The following BRIP1 variants were observed in gnomAD, a reference collection of about 807,000 sequenced individuals.
BRIP1 encodes the protein Fanconi anemia group J protein.
A neutral mutation model predicts 119.7 loss-of-function variants in BRIP1; 88 were observed. The observed-to-expected ratio is 0.74, with a 90% confidence interval of 0.62 to 0.88. The LOEUF (loss-of-function observed/expected upper bound fraction) is 0.88, where lower values mean the gene tolerates loss of function less well. BRIP1 is among the 40% of genes least tolerant of loss of function. BRIP1 has a pLI of 0.00. For missense variants in BRIP1, 1,259 were observed against 1,455.4 expected (o/e 0.87, Z 2.20); for synonymous variants, 443 against 496.5 (o/e 0.89, Z 1.43).
chr17:61,833,370 A>C (rs1319185173), intron 6 of BRIP1, among the ~76,000 whole-genome samples: 1 of 152,164 alleles, frequency 6.6e-6, no homozygotes, highest in Non-Finnish European at 1.5e-5. Flanking sequence ...CCAAGCTCTC[A>C]AAAAATTATA....
chr17:61,825,669 A>C lies in BRIP1; in HGVS notation c.628-16912T>G, dbSNP rs2078396366. ...AATAAATAAATAAATAAATAAATAAAATAACTGGGAATACAACTAACCAGG... is the reference window on the plus strand; with the variant it reads ...AATAAATAAATAAATAAATAAATAACATAACTGGGAATACAACTAACCAGG... On this transcript the variant is annotated intron_variant, in intron 6 of 19. Transcript: ENST00000259008. This position sits in a 1 kb window ranked among gnomAD's most constrained non-coding sequence, Gnocchi z 4.1. Among the ~76,000 whole-genome samples, 1 of 150,482 alleles carries C rather than the reference A, an allele frequency of 6.6e-6. No homozygotes were observed. The highest frequency in any genetic ancestry group is 2.4e-5 in the African/African-American group (1 of 41,168).
Position 61,746,632 on chromosome 17 carries a change from G to C in BRIP1, c.2098-2041C>G, listed in dbSNP as rs913821511. Among the ~76,000 whole-genome samples the C allele has an allele frequency of 6.6e-6, 1 of 151,792 alleles. No homozygotes were observed. The highest frequency in any genetic ancestry group is 2.4e-5 in the African/African-American group (1 of 41,332). On this transcript the variant is annotated intron_variant, in intron 14 of 19. Transcript: ENST00000259008. This position sits in a 1 kb window ranked among gnomAD's most constrained non-coding sequence, Gnocchi z 4.9. ...TAATGATAAATGGGTCAATTCACTGGGAATATTTAACAACTATAAATATAC... is the reference window on the plus strand; with the variant it reads ...TAATGATAAATGGGTCAATTCACTGCGAATATTTAACAACTATAAATATAC...
In BRIP1 at chr17:61,683,078, C is replaced by T. The variant is rs886544466; in HGVS notation, c.*218G>A. ...ACCTGGAGGTGAAGGTTGCAGTGAG[C>T]CCAGAGCACACCACTGCATTCCAGC... On this transcript the variant is annotated 3_prime_UTR_variant, in exon 20 of 20. Coordinates refer to ENST00000259008, the MANE Select transcript of BRIP1 (RefSeq NM_032043.3). This position sits in a 1 kb window ranked among gnomAD's most constrained non-coding sequence, Gnocchi z 4.7. 5.7e-6 allele frequency: 3 copies of T among 529,990 alleles called. No individual in the cohort carries two copies. The highest frequency in any genetic ancestry group is 2.2e-5 in the South Asian group (1 of 46,260). The allele number at this position is 529,990 out of a possible 1,614,324, so 32.8% of individuals were successfully genotyped here.
rs1443962224 is a variant in BRIP1, at chr17:61,691,462, C to A, written c.2575+1968G>T. On this transcript the variant is annotated intron_variant, in intron 18 of 19. Coordinates refer to ENST00000259008, the MANE Select transcript of BRIP1 (RefSeq NM_032043.3). The surrounding 1 kb of genome is among the most constrained non-coding windows in gnomAD (Gnocchi z 5.0). ...GTCAGAATGTCCATACTACTGAAAG[C>A]AATCTTTTTTTGAGACAGAATCTTG... is the stretch of plus-strand genomic sequence containing the variant. Among the ~76,000 whole-genome samples the A allele has an allele frequency of 2.0e-5, 3 of 152,008 alleles. No individual in the cohort carries two copies. Among genetic ancestry groups the A allele is most frequent in the African/African-American group, 7.2e-5 (3 of 41,406 alleles).
rs7222218 is a variant in BRIP1 at position 61,717,851 on chromosome 17, T to G, written c.2380-1788A>C. 0.039 allele frequency among the ~76,000 whole-genome samples: 5,995 copies of G among 152,176 alleles called. 433 individuals carry two copies. The highest frequency in any genetic ancestry group is 0.14 in the African/African-American group (5,693 of 41,510). On this transcript the variant is annotated intron_variant, in intron 16 of 19. Coordinates refer to ENST00000259008, the MANE Select transcript of BRIP1 (RefSeq NM_032043.3). This position sits in a 1 kb window ranked among gnomAD's most constrained non-coding sequence, Gnocchi z 4.1. ...ACTCCACATGTCACTGACCCTCTTT[T>G]TTTTCACTCTACACTTCATTTTGGA...
In BRIP1 at chr17:61,729,405, T is replaced by C. The variant is rs1035043408; in HGVS notation, c.2380-13342A>G. 1.3e-5 allele frequency among the ~76,000 whole-genome samples: 2 copies of C among 151,160 alleles called. No homozygotes were observed. Among genetic ancestry groups the C allele is most frequent in the African/African-American group, 4.9e-5 (2 of 41,004 alleles). ...CTATAGATTTAATTAAAAATTGTAA[T>C]GTAACTATCTTGGGAGGCTATAAGA... On this transcript the variant is annotated intron_variant, in intron 16 of 19. Transcript: ENST00000259008. The surrounding 1 kb of genome is among the most constrained non-coding windows in gnomAD (Gnocchi z 5.6).
At position 61,825,523 on chromosome 17, in the gene BRIP1, G is replaced by C. The variant is rs186496573; in HGVS notation, c.628-16766C>G. 4.0e-5 allele frequency among the ~76,000 whole-genome samples: 6 copies of C among 151,558 alleles called. No individual in the cohort carries two copies. The East Asian group carries it at 1.2e-3, about 29-fold the overall frequency. ...CTTAAGCTGATAAACAACTTGTCAGGATACTAAATCAATATGCAAAATTTA... is the reference window on the plus strand; with the variant it reads ...CTTAAGCTGATAAACAACTTGTCAGCATACTAAATCAATATGCAAAATTTA... On this transcript the variant is annotated intron_variant, in intron 6 of 19. Coordinates refer to ENST00000259008, the MANE Select transcript of BRIP1 (RefSeq NM_032043.3). The surrounding 1 kb of genome is among the most constrained non-coding windows in gnomAD (Gnocchi z 4.1).
At position 61,861,999 on chromosome 17, in the gene BRIP1, T is replaced by C. The variant is rs1014043267; in HGVS notation, c.-30-430A>G. 4 of 191,946 alleles carry C rather than the reference T, an allele frequency of 2.1e-5. No homozygotes were observed. The highest frequency in any genetic ancestry group is 3.3e-5 in the Non-Finnish European group (3 of 91,712). 11.9% of individuals were successfully genotyped at this position (191,946 alleles called of 1,614,324 possible). On this transcript the variant is annotated intron_variant, in intron 1 of 19. Coordinates refer to ENST00000259008, the MANE Select transcript of BRIP1 (RefSeq NM_032043.3). The surrounding 1 kb of genome is among the most constrained non-coding windows in gnomAD (Gnocchi z 4.5). ...TTCCTGAGGCCTCTCTCTCTACAAC[T>C]CCGTAGCATCACTCTTTCTCCAGTT...
intron 14 of BRIP1, among the ~76,000 whole-genome samples, chr17:61,749,339 T>C (rs1396836388): frequency 3.3e-5 from 5 of 151,598 alleles, no homozygotes; most frequent in Admixed American, 2.0e-4. Context: ...ACCTAAAGGA[T>C]GAGAAAAAAT....
intron 6 of BRIP1, among the ~76,000 whole-genome samples, chr17:61,826,755 A>C (rs1208448808): frequency 5.4e-5 from 8 of 147,942 alleles, no homozygotes; most frequent in South Asian, 2.1e-4. Context: ...AAAAAAAAAA[A>C]AACAGATGCC....
intron 16 of BRIP1, among the ~76,000 whole-genome samples, chr17:61,731,991 T>A (rs1304059907): frequency 5.1e-5 from 7 of 138,128 alleles, no homozygotes; most frequent in African/African-American, 1.9e-4. Flanking sequence ...CTTTTTTTTT[T>A]TTTTTTTTTT....
At chr17:61,791,837 A>G (rs2077822772) in intron 10 of BRIP1, among the ~76,000 whole-genome samples, 1 of 152,178 alleles carries the variant, frequency 6.6e-6, no homozygotes, top group Non-Finnish European at 1.5e-5. Flanking sequence ...TGAAATATTC[A>G]GTCTTAAAAA....
chr17:61,823,845 T>G lies in BRIP1; in HGVS notation c.628-15088A>C, dbSNP rs1209717346. ...GAGATAAAAATAGAATTTTTTTTTT[T>G]GAGACGGAGTTTCGCAGTTGTTGCC... On this transcript the variant is annotated intron_variant, in intron 6 of 19. Coordinates refer to ENST00000259008, the MANE Select transcript of BRIP1 (RefSeq NM_032043.3). This position sits in a 1 kb window ranked among gnomAD's most constrained non-coding sequence, Gnocchi z 4.8. Among the ~76,000 whole-genome samples, 1 of 152,044 alleles carries G rather than the reference T, an allele frequency of 6.6e-6. No homozygotes were observed. The highest frequency in any genetic ancestry group is 1.5e-5 in the Non-Finnish European group (1 of 68,004).
At chr17:61,783,825 A>G (rs1162320666) in intron 11 of BRIP1, 1 of 152,882 alleles carries the variant, frequency 6.5e-6, no homozygotes, top group Non-Finnish European at 1.5e-5. Flanking sequence ...TTACAATCCT[A>G]GCACTTTGGG....
chr17:61,788,886 G>T (rs374106763), intron 10 of BRIP1, among the ~76,000 whole-genome samples: 19 of 152,084 alleles, frequency 1.2e-4, no homozygotes, highest in East Asian at 3.9e-4. Flanking sequence ...TTGAGCTCAG[G>T]AGCTGGAGAC....
Position 61,756,973 on chromosome 17 carries a change from T to C in BRIP1, c.2098-12382A>G, listed in dbSNP as rs2077208570. ...ACCATCTTTTGTAATCTTACTCACA[T>C]AATTTATTTCATAAGTAGAACCTGG... On this transcript the variant is annotated intron_variant, in intron 14 of 19. Transcript: ENST00000259008. The surrounding 1 kb of genome is among the most constrained non-coding windows in gnomAD (Gnocchi z 4.3). 6.6e-6 allele frequency among the ~76,000 whole-genome samples: 1 copy of C among 152,220 alleles called. No homozygotes were observed. The highest frequency in any genetic ancestry group is 2.4e-5 in the African/African-American group (1 of 41,462).
rs1204717692 is a variant in BRIP1, at chr17:61,689,045, T to TATGTTATGTTATGTC, written c.2576-2881_2576-2880insGACATAACATAACAT. On this transcript the variant is annotated intron_variant, in intron 18 of 19. Transcript: ENST00000259008. The surrounding 1 kb of genome is among the most constrained non-coding windows in gnomAD (Gnocchi z 4.5). ...TATATTCTGTTATGTTATGTTATGT[T>TATGTTATGTTATGTC]ATGTTATGTTATTTTTTTGAGACAG... 3.3e-5 allele frequency among the ~76,000 whole-genome samples: 5 copies of TATGTTATGTTATGTC among 151,816 alleles called. No individual in the cohort carries two copies. The highest frequency in any genetic ancestry group is 1.2e-4 in the African/African-American group (5 of 41,284).
intron 14 of BRIP1, among the ~76,000 whole-genome samples, chr17:61,765,522 G>A (rs1325356177): frequency 1.6e-5 from 2 of 128,928 alleles, no homozygotes; most frequent in East Asian, 2.7e-4. Context: ...TGCAACCTCC[G>A]CCTCCTGGAT....
Position 61,713,487 on chromosome 17 carries a change from T to C in BRIP1, c.2492+2464A>G, listed in dbSNP as rs1192999811. On this transcript the variant is annotated intron_variant, in intron 17 of 19. Coordinates refer to ENST00000259008, the MANE Select transcript of BRIP1 (RefSeq NM_032043.3). This position sits in a 1 kb window ranked among gnomAD's most constrained non-coding sequence, Gnocchi z 4.9. ...AGGGATATTAATGCTCCTGATCCTGTGTAGGCCTAGGATACTACATGAGTG... is the reference window on the plus strand; with the variant it reads ...AGGGATATTAATGCTCCTGATCCTGCGTAGGCCTAGGATACTACATGAGTG... 6.6e-6 allele frequency among the ~76,000 whole-genome samples: 1 copy of C among 151,964 alleles called. No homozygotes were observed. The highest frequency in any genetic ancestry group is 1.5e-5 in the Non-Finnish European group (1 of 67,962).
Sources: gnomAD v4.1 joint callset for allele counts (sites outside exome capture counted in the v4.1 genomes callset) on GRCh38, gnomAD v4.1.1 for gene constraint, Gnocchi (gnomAD v3.1) non-coding constraint, MANE v1.5 for transcripts, NCBI Gene and HGNC (gene_info 2026-07-23, HGNC 2026-07-21) for gene names.